The following NRXN1 variants were observed in gnomAD, a reference collection of about 807,000 sequenced individuals.
The protein encoded by NRXN1 is neurexin-1.
A neutral mutation model predicts 150.9 loss-of-function variants in NRXN1; 39 were observed. That is an observed-to-expected ratio of 0.26 (90% CI 0.20 to 0.34). NRXN1 has a LOEUF of 0.34. Ranked by LOEUF, NRXN1 falls within the 10% of genes least tolerant of loss-of-function variation. The probability of loss-of-function intolerance (pLI) is 1.00; values close to 1 mark genes in which losing one functional copy is unlikely to be tolerated. For synonymous variants in NRXN1, 924 were observed against 757.0 expected (o/e 1.22, Z -3.62); for missense variants, 1,815 against 1,949.9 (o/e 0.93, Z 1.30).
intron 18 of NRXN1, among the ~76,000 whole-genome samples, chr2:50,138,514 G>A (rs1335660502): frequency 6.6e-6 from 1 of 152,118 alleles, no homozygotes; most frequent in Non-Finnish European, 1.5e-5. Context: ...GTTAAAAAGA[G>A]ATGAAATAGA....
intron 5 of NRXN1, among the ~76,000 whole-genome samples, chr2:50,869,243 C>T (rs1677407440): frequency 6.6e-6 from 1 of 151,598 alleles, no homozygotes; most frequent in Non-Finnish European, 1.5e-5. Context: ...GAAAAACAAA[C>T]CAATTCATTG....
At chr2:50,663,456 C>G (rs1410879987) in intron 5 of NRXN1, among the ~76,000 whole-genome samples, 5 of 152,010 alleles carry the variant, frequency 3.3e-5, no homozygotes, top group Admixed American at 3.3e-4. Context: ...TGGTAACAAA[C>G]TGCCTATTCT....
At chr2:50,844,495 T>A (rs1051445714) in intron 5 of NRXN1, among the ~76,000 whole-genome samples, 10 of 152,212 alleles carry the variant, frequency 6.6e-5, no homozygotes, top group Non-Finnish European at 1.5e-4. Context: ...TGAAATTATA[T>A]TCTCACATGT....
chr2:50,278,922 C>A (rs940067668), intron 17 of NRXN1, among the ~76,000 whole-genome samples: 1 of 152,114 alleles, frequency 6.6e-6, no homozygotes, highest in Admixed American at 6.5e-5. Flanking sequence ...AAATAAAGCA[C>A]CTCTTAAAAT....
intron 15 of NRXN1, among the ~76,000 whole-genome samples, chr2:50,482,108 C>T (rs2090516857): frequency 6.6e-6 from 1 of 152,066 alleles, no homozygotes; most frequent in Non-Finnish European, 1.5e-5. Context: ...CAAAACTGCC[C>T]CCAAAAAGAT....
At chr2:50,440,508 T>A (rs2085856961) in intron 17 of NRXN1, among the ~76,000 whole-genome samples, 1 of 151,990 alleles carries the variant, frequency 6.6e-6, no homozygotes, top group Non-Finnish European at 1.5e-5. Flanking sequence ...CTAAAATAGA[T>A]GGTTTGATAG....
In NRXN1 at chr2:50,703,729, A is replaced by G. The variant is rs182438975; in HGVS notation, c.833-80114T>C. On this transcript the variant is annotated intron_variant, in intron 5 of 22. Coordinates refer to ENST00000401669, the MANE Select transcript of NRXN1 (RefSeq NM_001330078.2). ...AACGGTTAACTATGAATTGATGTTT[A>G]TTGTATGTTAGAATTTGAGCTAAGA... Among the ~76,000 whole-genome samples, 347 of 152,272 alleles carry G rather than the reference A, an allele frequency of 2.3e-3. 6 individuals carry two copies. The highest frequency in any genetic ancestry group is 8.0e-3 in the African/African-American group (334 of 41,572).
intron 21 of NRXN1, chr2:50,019,232 C>A (rs559621729): frequency 3.4e-5 from 16 of 471,458 alleles, no homozygotes; most frequent in South Asian, 2.2e-4. Context: ...CAGTTTAGTA[C>A]TTACTTGTTT....
intron 18 of NRXN1, among the ~76,000 whole-genome samples, chr2:50,189,779 T>C (rs1417471521): frequency 6.6e-6 from 1 of 152,138 alleles, no homozygotes; most frequent in Non-Finnish European, 1.5e-5. Flanking sequence ...ATACAATAGA[T>C]CTGAACTCTA....
At chr2:50,706,018 GT>G (rs1445189446) in intron 5 of NRXN1, among the ~76,000 whole-genome samples, 2 of 152,204 alleles carry the variant, frequency 1.3e-5, no homozygotes, top group Non-Finnish European at 2.9e-5. Flanking sequence ...CAGTAGACTA[GT>G]AGAACAGTGA....
At chr2:50,963,775 T>C (rs1693584832) in intron 2 of NRXN1, among the ~76,000 whole-genome samples, 1 of 151,694 alleles carries the variant, frequency 6.6e-6, no homozygotes, top group African/African-American at 2.4e-5. Flanking sequence ...GAAGAATGTA[T>C]ATCTTCCTAA....
chr2:50,590,573 T>A (rs1376463083), intron 8 of NRXN1, among the ~76,000 whole-genome samples: 1 of 152,118 alleles, frequency 6.6e-6, no homozygotes, highest in East Asian at 1.9e-4. Flanking sequence ...CATATTCAGA[T>A]ATTGAAATCC....
At chr2:50,296,714 C>T (rs2073616959) in intron 17 of NRXN1, among the ~76,000 whole-genome samples, 1 of 151,922 alleles carries the variant, frequency 6.6e-6, no homozygotes, top group African/African-American at 2.4e-5. Context: ...ATGATTCTCC[C>T]ACCTCAGACT....
chr2:51,013,184 G>C (rs1368928272), intron 2 of NRXN1, among the ~76,000 whole-genome samples: 2 of 151,950 alleles, frequency 1.3e-5, no homozygotes, highest in African/African-American at 2.4e-5. Context: ...GCTGTAACTC[G>C]AGCTCAACCA....
chr2:50,066,191 A>G (rs1422451553), intron 19 of NRXN1, among the ~76,000 whole-genome samples: 2 of 152,220 alleles, frequency 1.3e-5, no homozygotes, highest in Non-Finnish European at 2.9e-5. Context: ...AATAAAGTCA[A>G]TATATAAGCA....
intron 18 of NRXN1, among the ~76,000 whole-genome samples, chr2:50,167,678 A>G (rs764177165): frequency 6.6e-6 from 1 of 152,228 alleles, no homozygotes; most frequent in Non-Finnish European, 1.5e-5. Context: ...TATTTCCAAA[A>G]TAATTGTTCT....
chr2:50,032,499 G>A (rs1689324940), intron 21 of NRXN1, among the ~76,000 whole-genome samples: 1 of 152,058 alleles, frequency 6.6e-6, no homozygotes, highest in East Asian at 1.9e-4. Flanking sequence ...GATCATTGAG[G>A]TTGAATTTGC....
intron 13 of NRXN1, among the ~76,000 whole-genome samples, chr2:50,498,433 G>A (rs2091766882): frequency 6.6e-6 from 1 of 152,134 alleles, no homozygotes; most frequent in Admixed American, 6.5e-5. Flanking sequence ...TACACTAATT[G>A]AAAGCTTGCC....
intron 5 of NRXN1, among the ~76,000 whole-genome samples, chr2:50,836,097 T>C (rs948859076): frequency 4.6e-5 from 7 of 152,186 alleles, no homozygotes; most frequent in African/African-American, 1.4e-4. Flanking sequence ...AATTCTAGTT[T>C]TCGAAATTCA....
Sources: allele counts gnomAD v4.1 joint callset (sites outside exome capture counted in the v4.1 genomes callset), GRCh38; gene constraint gnomAD v4.1.1; transcripts MANE v1.5; gene names NCBI Gene and HGNC (gene_info 2026-07-23, HGNC 2026-07-21).